POT1: variants seen among roughly 807,000 people sequenced by gnomAD.
The protein encoded by POT1 is protection of telomeres protein 1.
Under a neutral mutation model 78.5 loss-of-function variants are expected in POT1, and 47 were observed. The observed-to-expected ratio is 0.60, with a 90% CI of 0.47 to 0.76. The LOEUF (loss-of-function observed/expected upper bound fraction) is 0.76. Among genes scored for constraint, POT1 ranks in the 30% least tolerant of loss-of-function variants. The probability of loss-of-function intolerance (pLI) is 0.00; values close to 1 mark genes in which losing one functional copy is unlikely to be tolerated. For synonymous variants in POT1, 259 were observed against 260.7 expected, an observed-to-expected ratio of 0.99 and a Z score of 0.06; for missense variants, 646 against 749.9, an observed-to-expected ratio of 0.86 and a Z score of 1.62.
intron 6 of POT1, among the ~76,000 whole-genome samples, chr7:124,890,469 A>G (rs1056393277): frequency 2.6e-5 from 4 of 151,986 alleles, no homozygotes; most frequent in Admixed American, 1.3e-4. Flanking sequence ...AAATTTTGAA[A>G]TAAGTTCTAC....
rs182828817 is a variant in POT1 at position 124,889,543 on chromosome 7, G to A, written c.124+2723C>T. Among the ~76,000 whole-genome samples the A allele has an allele frequency of 1.2e-3, 176 of 152,096 alleles. 1 individual carries two copies. Among genetic ancestry groups the A allele is most frequent in the African/African-American group, 3.8e-3 (159 of 41,542 alleles). Reference sequence around the variant, plus strand: ...CCAAACAGTCTTCTCTTGGAACAAGGTGCCATCTAGGACCTTCACAACTAT... The same window carrying A: ...CCAAACAGTCTTCTCTTGGAACAAGATGCCATCTAGGACCTTCACAACTAT... On this transcript the variant is annotated intron_variant, in intron 6 of 18. Coordinates refer to ENST00000357628, the MANE Select transcript of POT1 (RefSeq NM_015450.3).
At chr7:124,916,157 A>G (rs1442927685) in intron 2 of POT1, among the ~76,000 whole-genome samples, 1 of 152,148 alleles carries the variant, frequency 6.6e-6, no homozygotes, top group Non-Finnish European at 1.5e-5. Context: ...ATCAGATAAA[A>G]TAAAGTTTTT....
intron 11 of POT1, among the ~76,000 whole-genome samples, chr7:124,850,457 A>C (rs1296045044): frequency 2.6e-5 from 4 of 152,204 alleles, no homozygotes; most frequent in Non-Finnish European, 5.9e-5. Context: ...GACGGGCGCA[A>C]TGGCCTGTGC....
Position 124,849,427 on chromosome 7 carries a change from T to G in POT1, c.950-2429A>C, listed in dbSNP as rs150868819. Among the ~76,000 whole-genome samples the G allele has an allele frequency of 4.9e-3, 748 of 152,220 alleles. 8 individuals carry two copies. The highest frequency in any genetic ancestry group is 0.017 in the African/African-American group (718 of 41,554). On this transcript the variant is annotated intron_variant, in intron 11 of 18. Coordinates refer to ENST00000357628, the MANE Select transcript of POT1 (RefSeq NM_015450.3). ...CAAGTTTCCAAGTAGCCAGGAAAAT[T>G]AAGTAAGAAAACACCTTTCACCTGC...
At chr7:124,920,524 G>A (rs1021302768) in intron 2 of POT1, among the ~76,000 whole-genome samples, 1 of 152,090 alleles carries the variant, frequency 6.6e-6, no homozygotes, top group Non-Finnish European at 1.5e-5. Context: ...TCACAGAAGT[G>A]TATGCAAAAA....
chr7:124,905,323 A>G lies in POT1; in HGVS notation c.-153-6949T>C, dbSNP rs1313218279. Among the ~76,000 whole-genome samples, 8 of 152,220 alleles carry G rather than the reference A, an allele frequency of 5.3e-5. No homozygotes were observed. The South Asian group carries it at 1.2e-3, about 24-fold the overall frequency. On this transcript the variant is annotated intron_variant, in intron 3 of 18. Coordinates refer to ENST00000357628, the MANE Select transcript of POT1 (RefSeq NM_015450.3). ...ACAGAACAGAGCCCTCAGAAATAAT[A>G]CCACACATCTACAACCATCTGATCT...
intron 11 of POT1, among the ~76,000 whole-genome samples, chr7:124,849,757 T>C (rs2116493909): frequency 6.6e-6 from 1 of 152,268 alleles, no homozygotes; most frequent in African/African-American, 2.4e-5. Flanking sequence ...CATAACATTA[T>C]TATTATGCAA....
At chr7:124,926,046 G>A (rs1052713802) in intron 2 of POT1, among the ~76,000 whole-genome samples, 2 of 152,036 alleles carry the variant, frequency 1.3e-5, no homozygotes, top group African/African-American at 4.8e-5. Flanking sequence ...ATTGGTTTAG[G>A]CAAACAATTC....
intron 6 of POT1, among the ~76,000 whole-genome samples, chr7:124,872,707 A>ATC (rs1407942683): frequency 6.6e-6 from 1 of 152,238 alleles, no homozygotes; most frequent in African/African-American, 2.4e-5. Context: ...CTTGGAGCAT[A>ATC]TCCCCTTTGG....
At chr7:124,908,801 T>C (rs1796824788) in intron 3 of POT1, among the ~76,000 whole-genome samples, 1 of 151,934 alleles carries the variant, frequency 6.6e-6, no homozygotes. Flanking sequence ...TCAAAGATAT[T>C]AACATTCATA....
chr7:124,881,565 AGGG>A (rs1796119524), intron 6 of POT1, among the ~76,000 whole-genome samples: 1 of 152,020 alleles, frequency 6.6e-6, no homozygotes, highest in Non-Finnish European at 1.5e-5. Flanking sequence ...CATGGCATGA[AGGG>A]AACCACACTA....
intron 14 of POT1, among the ~76,000 whole-genome samples, chr7:124,836,437 C>T (rs569689328): frequency 6.6e-6 from 1 of 152,264 alleles, no homozygotes; most frequent in East Asian, 1.9e-4. Context: ...AACAATATTC[C>T]CTAAGCATGC....
intron 14 of POT1, among the ~76,000 whole-genome samples, chr7:124,837,543 G>C (rs1334504223): frequency 6.6e-6 from 1 of 152,010 alleles, no homozygotes; most frequent in East Asian, 1.9e-4. Flanking sequence ...CAGATAATCT[G>C]AATAGGTCTA....
chr7:124,859,187 C>T, intron 8 of POT1, 75 bp from the exon 9 acceptor site: 1 of 1,187,890 alleles, frequency 8.4e-7, no homozygotes, highest in Non-Finnish European at 1.1e-6. Context: ...TTCCTGGAAA[C>T]AGTATTTAAA....
intron 5 of POT1, among the ~76,000 whole-genome samples, chr7:124,894,308 GGAAGA>G (rs1796440758): frequency 6.6e-6 from 1 of 151,502 alleles, no homozygotes; most frequent in East Asian, 1.9e-4. Flanking sequence ...GAGAAATAAT[GGAAGA>G]GAAGCATACT....
intron 14 of POT1, among the ~76,000 whole-genome samples, chr7:124,836,601 A>G (rs1794905566): frequency 6.6e-6 from 1 of 152,162 alleles, no homozygotes; most frequent in Non-Finnish European, 1.5e-5. Context: ...ACACTATTTC[A>G]AAGAATCTGG....
intron 2 of POT1, among the ~76,000 whole-genome samples, chr7:124,924,244 C>A (rs778846281): frequency 6.7e-5 from 10 of 148,594 alleles, no homozygotes; most frequent in Middle Eastern, 3.5e-3. Context: ...GCTAGACTAA[C>A]CAAGAAAAGG....
chr7:124,854,438 GT>G (rs1215129805), intron 9 of POT1, among the ~76,000 whole-genome samples: 2 of 150,870 alleles, frequency 1.3e-5, no homozygotes, highest in Non-Finnish European at 3.0e-5. Flanking sequence ...AAAAGGAAAC[GT>G]TTAAAAAAAA....
At chr7:124,833,066 A>C (rs898544154) in intron 15 of POT1, among the ~76,000 whole-genome samples, 2 of 152,146 alleles carry the variant, frequency 1.3e-5, no homozygotes, top group African/African-American at 4.8e-5. Context: ...ACTGAATTTT[A>C]TGAGTTTTAA....
Sources: gnomAD v4.1 joint callset for allele counts (sites outside exome capture counted in the v4.1 genomes callset) on GRCh38, gnomAD v4.1.1 for gene constraint, MANE v1.5 for transcripts, NCBI Gene and HGNC (gene_info 2026-07-23, HGNC 2026-07-21) for gene names.